The following DHX38 variants were observed in gnomAD, a reference collection of about 807,000 sequenced individuals.
The protein encoded by DHX38 is pre-mRNA-splicing factor ATP-dependent RNA helicase PRP16.
A neutral mutation model predicts 153.1 loss-of-function variants in DHX38; 100 were observed. The observed-to-expected ratio is 0.65, with a 90% confidence interval of 0.56 to 0.77. DHX38 has a LOEUF of 0.77. DHX38 is among the 30% of genes least tolerant of loss of function. The probability of loss-of-function intolerance (pLI) is 0.00; values close to 1 mark genes in which losing one functional copy is unlikely to be tolerated. For synonymous variants in DHX38, 650 were observed against 631.7 expected (o/e 1.03, Z -0.43); for missense variants, 1,440 against 1,654.0 (o/e 0.87, Z 2.24).
intron 25 of DHX38, 133 bp downstream of exon 25, chr16:72,109,643 G>A: frequency 1.2e-6 from 1 of 833,506 alleles, no homozygotes; most frequent in Non-Finnish European, 1.7e-6. Context: ...TGATCCAGCA[G>A]GCTGGGTCTG....
chr16:72,110,882 G>T, intron 25 of DHX38, 74 bp from the exon 26 acceptor site: 8 of 1,498,830 alleles, frequency 5.3e-6, no homozygotes, highest in Non-Finnish European at 7.2e-6. Context: ...TTGTGGCAGG[G>T]ACTTGGGTGC....
At chr16:72,112,174 T>G (rs2042265321) in intron 26 of DHX38, 1 of 569,294 alleles carries the variant, frequency 1.8e-6, no homozygotes, top group Admixed American at 3.0e-5. Context: ...CTAGGGACTG[T>G]GGGAGGAGTT....
In DHX38 at chr16:72,097,762, C is replaced by T. The variant is rs2042041553; in HGVS notation, c.597C>T (p.Ser199=). 1 of 1,613,634 alleles carries T rather than the reference C, an allele frequency of 6.2e-7. No individual in the cohort carries two copies. The highest frequency in any genetic ancestry group is 8.5e-7 in the Non-Finnish European group (1 of 1,179,798). ...ERSSRRNEPE[S]PRHRPKDAAT... ...GCAGCAGAAGAAATGAACCCGAGAG[C>T]CCACGACATCGACCTAAAGGTAGAC... The change falls in exon 4 of 27, where the codon AGC becomes AGT. Residue 199 remains serine, a synonymous_variant. Transcript: ENST00000268482.
chr16:72,112,471 C>A lies in DHX38; in HGVS notation c.3658C>A (p.Arg1220Ser). ...GCAAGGGGAGCCCATGACCCCTCGCCGCACGCCAGCCCGCTTTGGTCTGTG... is the reference window on the plus strand; with the variant it reads ...GCAAGGGGAGCCCATGACCCCTCGCAGCACGCCAGCCCGCTTTGGTCTGTG... ...KEQGEPMTPR[R>S]TPARFGL Residue 1220 changes from arginine (R) to serine (S), a missense_variant, in exon 27 of 27, where the codon CGC (arginine) becomes AGC (serine). Physicochemically the swap from Arg to Ser is moderately radical, Grantham distance 110 (BLOSUM62 -1). This residue lies in a region of DHX38 where 75 missense variants were observed against 69.5 expected (regional missense o/e 1.08). Coordinates refer to ENST00000268482, the MANE Select transcript of DHX38 (RefSeq NM_014003.4). 1 of 1,612,236 alleles carries A rather than the reference C, an allele frequency of 6.2e-7. No homozygotes were observed. The highest frequency in any genetic ancestry group is 8.5e-7 in the Non-Finnish European group (1 of 1,180,022).
intron 5 of DHX38, 47 bp from the exon 6 acceptor site, chr16:72,098,879 TG>T (rs1411985105): frequency 8.7e-6 from 14 of 1,613,986 alleles, no homozygotes; most frequent in Non-Finnish European, 1.2e-5. Flanking sequence ...CAGGAGGACG[TG>T]GCTTAGCTCA....
At chr16:72,103,050 GT>G (rs770710908) in intron 11 of DHX38, 23 bp from the exon 12 acceptor site, 1 of 1,613,442 alleles carries the variant, frequency 6.2e-7, no homozygotes, top group African/African-American at 1.3e-5. Context: ...CATGCAGGGT[GT>G]TTAGGCTGCT....
intron 19 of DHX38, 62 bp downstream of exon 19, chr16:72,106,179 G>C: frequency 1.3e-6 from 2 of 1,510,222 alleles, no homozygotes; most frequent in East Asian, 4.5e-5. Context: ...CGTGGAGCCC[G>C]GGCGGGGGCG....
intron 8 of DHX38, 26 bp from the exon 9 acceptor site, chr16:72,100,410 G>C: frequency 6.2e-7 from 1 of 1,610,800 alleles, no homozygotes; most frequent in Non-Finnish European, 8.5e-7. Flanking sequence ...GGCAATTTGA[G>C]TGTGGCTCCC....
rs369304564 is a variant in DHX38, at chr16:72,105,992, C to T, written c.2488-13C>T. On this transcript the variant is annotated splice_polypyrimidine_tract_variant and intron_variant, in intron 18 of 26. Transcript: ENST00000268482. Reference sequence around the variant, plus strand: ...ACTCTGTCCTTCGTCAGCTCTTTGCCGTCCCCTCCTAGGTCTTCAACCCCA... The same window carrying T: ...ACTCTGTCCTTCGTCAGCTCTTTGCTGTCCCCTCCTAGGTCTTCAACCCCA... The T allele has an allele frequency of 1.7e-4, 277 of 1,611,662 alleles. No individual in the cohort carries two copies. Among genetic ancestry groups the T allele is most frequent in the Non-Finnish European group, 2.2e-4 (264 of 1,178,100 alleles).
In DHX38 at chr16:72,104,486, G is replaced by T. The variant is rs1174917221; in HGVS notation, c.2011G>T (p.Val671Leu). ...TDVLFGLLRE[V>L]VARRSDLKLI... ...GCCTCCGAGCCGCCTCTTCTCTCAGGTAGTGGCTCGGCGCTCAGACCTGAA... is the reference window on the plus strand; with the variant it reads ...GCCTCCGAGCCGCCTCTTCTCTCAGTTAGTGGCTCGGCGCTCAGACCTGAA... The change falls in exon 15 of 27, where the codon GTA becomes TTA. Residue 671 changes from valine to leucine, a missense_variant and splice_region_variant. Around this residue, in one of 6 missense-constraint regions of DHX38, gnomAD observed 543 missense variants for 717.9 expected, o/e 0.76. Transcript: ENST00000268482. The surrounding 1 kb of genome is among the most constrained non-coding windows in gnomAD (Gnocchi z 4.5). The T allele has an allele frequency of 1.2e-6, 2 of 1,613,750 alleles. No individual in the cohort carries two copies. The highest frequency in any genetic ancestry group is 1.7e-6 in the Non-Finnish European group (2 of 1,180,018).
At chr16:72,096,540 C>G (rs1467812180) in intron 2 of DHX38, 60 bp downstream of exon 2, 1 of 1,499,098 alleles carries the variant, frequency 6.7e-7, no homozygotes, top group East Asian at 2.4e-5. Flanking sequence ...AAAATAACAG[C>G]TCATGTTTAT....
rs2144187161 is a variant in DHX38, at chr16:72,112,650, C to T, written c.*153C>T. 1.2e-6 allele frequency: 1 copy of T among 824,860 alleles called. No homozygotes were observed. Among genetic ancestry groups the T allele is most frequent in the Middle Eastern group, 2.2e-4 (1 of 4,638 alleles). 51.1% of individuals were successfully genotyped at this position (824,860 alleles called of 1,614,324 possible). A position where few individuals can be genotyped will look rare whatever the true frequency, so the allele number is the denominator to read the frequency against. ...GGCAGTTCCTGCTGGACCAGACTCTCTGGCAGAGGAGGTGGAGTTCTTCCA... is the reference window on the plus strand; with the variant it reads ...GGCAGTTCCTGCTGGACCAGACTCTTTGGCAGAGGAGGTGGAGTTCTTCCA... On this transcript the variant is annotated 3_prime_UTR_variant, in exon 27 of 27. Transcript: ENST00000268482.
At position 72,100,445 on chromosome 16, in the gene DHX38, C is replaced by T. The variant is rs1042654386; in HGVS notation, c.1126C>T (p.Arg376Cys). Residue 376 changes from arginine (R) to cysteine (C), a missense_variant, in exon 9 of 27, where the codon CGC (arginine) becomes TGC (cysteine). Physicochemically the swap from Arg to Cys is radical, Grantham distance 180 (BLOSUM62 -3). Transcript: ENST00000268482. ...CATTGTGTCCTCACAGGATAACGAG[C>T]GCTGGGAGACAAACCGCATGCTCAC... Reference protein sequence around the residue: ...QRRQINEDNERWETNRMLTSG... With the variant: ...QRRQINEDNECWETNRMLTSG... The T allele has an allele frequency of 8.1e-6, 13 of 1,613,796 alleles. No homozygotes were observed. Among genetic ancestry groups the T allele is most frequent in the South Asian group, 1.1e-5 (1 of 91,060 alleles).
In DHX38 at chr16:72,108,280, C is replaced by T. The variant is rs368732675; in HGVS notation, c.3018C>T (p.Ser1006=). The T allele has an allele frequency of 3.5e-5, 57 of 1,613,914 alleles. 1 individual carries two copies. The South Asian group carries it at 4.4e-4, about 12-fold the overall frequency. ...QIREKFAVPE[S]DHLTYLNVYL... ...GGGAGAAGTTCGCTGTTCCTGAGAGCGATCATTTGACCTACCTGAATGTTT... is the reference window on the plus strand; with the variant it reads ...GGGAGAAGTTCGCTGTTCCTGAGAGTGATCATTTGACCTACCTGAATGTTT... Residue 1006 remains serine (S), a synonymous_variant, in exon 22 of 27, where the codon AGC becomes AGT. Transcript: ENST00000268482.
Position 72,104,506 on chromosome 16 carries a change from C to G in DHX38, c.2031C>G (p.Asp677Glu). ...CTCAGGTAGTGGCTCGGCGCTCAGA[C>G]CTGAAGCTCATCGTCACATCAGCCA... The part of the protein sequence containing the change: ...LLREVVARRS[D>E]LKLIVTSATM... The change falls in exon 15 of 27, where the codon GAC becomes GAG. Residue 677 changes from aspartate to glutamate, a missense_variant. Transcript: ENST00000268482. This position sits in a 1 kb window ranked among gnomAD's most constrained non-coding sequence, Gnocchi z 4.5. 5.6e-6 allele frequency: 9 copies of G among 1,614,038 alleles called. No homozygotes were observed. The highest frequency in any genetic ancestry group is 7.6e-6 in the Non-Finnish European group (9 of 1,180,012).
At position 72,105,423 on chromosome 16, in the gene DHX38, G is replaced by A. The variant is rs112075587; in HGVS notation, c.2379+75G>A. 8.8e-6 allele frequency: 14 copies of A among 1,598,972 alleles called. No individual in the cohort carries two copies. The African/African-American group carries it at 9.4e-5, about 11-fold the overall frequency. On this transcript the variant is annotated intron_variant, in intron 17 of 26. Transcript: ENST00000268482. ...AGCGAGAGGGGATGTGACTGTCCTG[G>A]CAGGGGGTGGGCTAGGAGGTAGGCT...
intron 3 of DHX38, 63 bp from the exon 4 acceptor site, chr16:72,097,614 G>T (rs922362170): frequency 1.3e-6 from 2 of 1,503,684 alleles, no homozygotes; most frequent in East Asian, 4.7e-5. Context: ...CTTTCTCTAG[G>T]GTGAAGATGT....
In DHX38 at chr16:72,101,478, G is replaced by C. The variant is rs200708519; in HGVS notation, c.1387-22G>C. 6.5e-5 allele frequency: 100 copies of C among 1,548,508 alleles called. No homozygotes were observed. The African/African-American group carries it at 1.2e-3, about 19-fold the overall frequency. On this transcript the variant is annotated intron_variant, in intron 10 of 26. Coordinates refer to ENST00000268482, the MANE Select transcript of DHX38 (RefSeq NM_014003.4). The stretch of plus-strand genomic sequence containing the variant: ...CGCAGTCATGTGGCAGGATGGAGCA[G>C]ACTGACCTTTTTCCTTTTCAGGCTC...
rs1182158820 is a variant in DHX38, at chr16:72,108,498, A to G, written c.3146A>G (p.Lys1049Arg). The G allele has an allele frequency of 3.7e-6, 6 of 1,614,148 alleles. No homozygotes were observed. The highest frequency in any genetic ancestry group is 1.3e-5 in the African/African-American group (1 of 75,014). ...GTCCGGGAGGTGCGAGCTCAACTCA[A>G]GGACATCATGGTGCAGCAGCGGATG... ...RKVREVRAQLKDIMVQQRMSL... is the reference protein window; with the variant it reads ...RKVREVRAQLRDIMVQQRMSL... Residue 1049 changes from lysine to arginine, a missense_variant, in exon 23 of 27, where the codon AAG becomes AGG. By Grantham distance (26) the Lys-to-Arg change is conservative. Coordinates refer to ENST00000268482, the MANE Select transcript of DHX38 (RefSeq NM_014003.4).
Sources: allele counts gnomAD v4.1 joint callset, GRCh38; gene constraint gnomAD v4.1.1; regional missense constraint gnomAD v4.1.1; non-coding constraint Gnocchi (gnomAD v3.1); transcripts MANE v1.5; gene names NCBI Gene and HGNC (gene_info 2026-07-23, HGNC 2026-07-21).